SLC39A11: variants seen among roughly 807,000 people sequenced by gnomAD.
SLC39A11 encodes solute carrier family 39 member 11.
A neutral mutation model predicts 36.1 loss-of-function variants in SLC39A11; 33 were observed. That is an observed-to-expected ratio of 0.91 (90% CI 0.69 to 1.22). The LOEUF (loss-of-function observed/expected upper bound fraction) is 1.22. SLC39A11 is among the 50% of genes most tolerant of loss of function. The pLI, the probability that SLC39A11 is intolerant of heterozygous loss-of-function variation, is 0.00. For missense variants in SLC39A11, 432 were observed against 430.3 expected (o/e 1.00, Z -0.03); for synonymous variants, 166 against 170.3 (o/e 0.97, Z 0.20).
At chr17:72,781,940 T>C (rs1377427836) in intron 6 of SLC39A11, among the ~76,000 whole-genome samples, 1 of 151,660 alleles carries the variant, frequency 6.6e-6, no homozygotes, top group Non-Finnish European at 1.5e-5. Context: ...CTGTAGTGGG[T>C]TGAACTGTAC....
At position 72,920,660 on chromosome 17, in the gene SLC39A11, CCT is replaced by C. The variant is rs1232118481; in HGVS notation, c.430+27090_430+27091del. Among the ~76,000 whole-genome samples, 87 of 138,920 alleles carry C rather than the reference CCT, an allele frequency of 6.3e-4. 3 individuals carry two copies. Among genetic ancestry groups the C allele is most frequent in the African/African-American group, 2.4e-3 (86 of 36,360 alleles). 91.1% of individuals were successfully genotyped at this position (138,920 alleles called of 152,430 possible). On this transcript the variant is annotated intron_variant, in intron 5 of 9. Transcript: ENST00000255559. ...TCCTACCCCCTTACACCATGTACAC[CCT>C]ATACACAAACACACTTCTCACCCCC...
chr17:73,056,671 G>A (rs2059680285), intron 3 of SLC39A11, among the ~76,000 whole-genome samples: 1 of 152,122 alleles, frequency 6.6e-6, no homozygotes, highest in African/African-American at 2.4e-5. Context: ...AAGCTGGCTT[G>A]GATCTGGTAG....
chr17:72,893,022 C>G (rs1347295627), intron 5 of SLC39A11, among the ~76,000 whole-genome samples: 3 of 152,140 alleles, frequency 2.0e-5, no homozygotes, highest in Non-Finnish European at 2.9e-5. Context: ...ATTTCAAATA[C>G]TGTGCCAATC....
chr17:72,768,652 A>G (rs2075831169), intron 6 of SLC39A11, among the ~76,000 whole-genome samples: 1 of 152,218 alleles, frequency 6.6e-6, no homozygotes, highest in African/African-American at 2.4e-5. Context: ...TGTGACTGGC[A>G]TATGGCACAG....
intron 4 of SLC39A11, among the ~76,000 whole-genome samples, chr17:72,952,939 C>T (rs2085970137): frequency 6.6e-6 from 1 of 152,196 alleles, no homozygotes; most frequent in South Asian, 2.1e-4. Flanking sequence ...TTCAAGTGTG[C>T]TGTGTCACCT....
intron 5 of SLC39A11, among the ~76,000 whole-genome samples, chr17:72,850,046 C>G (rs2079233197): frequency 6.6e-6 from 1 of 152,132 alleles, no homozygotes; most frequent in African/African-American, 2.4e-5. Context: ...ATCTTCACTC[C>G]TCTCCAAAAA....
At chr17:72,662,729 A>C (rs2070523037) in intron 7 of SLC39A11, among the ~76,000 whole-genome samples, 1 of 150,634 alleles carries the variant, frequency 6.6e-6, no homozygotes, top group Admixed American at 6.6e-5. Context: ...AAAGAGAGAG[A>C]GAGAAAGAAA....
chr17:73,058,688 A>T (rs1455881186), intron 3 of SLC39A11, among the ~76,000 whole-genome samples: 1 of 152,114 alleles, frequency 6.6e-6, no homozygotes. Flanking sequence ...GCACCACTGC[A>T]CTCCAGCCTG....
At chr17:72,759,884 C>T (rs944096185) in intron 6 of SLC39A11, among the ~76,000 whole-genome samples, 7 of 152,088 alleles carry the variant, frequency 4.6e-5, no homozygotes, top group East Asian at 3.8e-4. Flanking sequence ...AACAAGGAAG[C>T]GCTGTCTTGT....
chr17:72,963,405 C>G (rs986862733), intron 4 of SLC39A11, among the ~76,000 whole-genome samples: 1 of 151,560 alleles, frequency 6.6e-6, no homozygotes, highest in African/African-American at 2.4e-5. Context: ...CTCCTGACCT[C>G]GTGATCCGCC....
In SLC39A11 at chr17:72,847,628, C is replaced by T. The variant is rs534757890; in HGVS notation, c.601+2006G>A. On this transcript the variant is annotated intron_variant, in intron 6 of 9. Transcript: ENST00000255559. ...TATCTGAGCTTAAAAAGTAATTAAA[C>T]ACATAGTGCTTTCGGCAGATTTAAT... Among the ~76,000 whole-genome samples the T allele has an allele frequency of 2.0e-5, 3 of 152,168 alleles. No individual in the cohort carries two copies. In the South Asian group the frequency reaches 6.2e-4, roughly 32 times the overall value.
At chr17:72,773,594 T>C (rs1344988066) in intron 6 of SLC39A11, among the ~76,000 whole-genome samples, 1 of 151,640 alleles carries the variant, frequency 6.6e-6, no homozygotes, top group East Asian at 1.9e-4. Flanking sequence ...CAGTCTCAGG[T>C]ATGTCTTTAT....
At chr17:73,018,416 C>A (rs1300651744) in intron 4 of SLC39A11, among the ~76,000 whole-genome samples, 1 of 152,042 alleles carries the variant, frequency 6.6e-6, no homozygotes, top group Admixed American at 6.6e-5. Context: ...CACGTGATGG[C>A]AGGCTCCTGT....
chr17:72,711,786 A>G (rs546858358), intron 7 of SLC39A11, among the ~76,000 whole-genome samples: 1 of 152,252 alleles, frequency 6.6e-6, no homozygotes, highest in East Asian at 1.9e-4. Flanking sequence ...TGATGGTCAT[A>G]GCTCTGGGGG....
At chr17:72,861,740 TTATATATATA>T (rs71945815) in intron 5 of SLC39A11, among the ~76,000 whole-genome samples, 3,502 of 67,094 alleles carry the variant, frequency 0.052, 110 homozygotes, top group African/African-American at 0.077. Flanking sequence ...ACATTGGAGA[TTATATATATA>T]TATATATATA....
intron 6 of SLC39A11, among the ~76,000 whole-genome samples, chr17:72,844,173 T>C (rs369988403): frequency 6.6e-6 from 1 of 152,174 alleles, no homozygotes; most frequent in East Asian, 1.9e-4. Flanking sequence ...CAAAGGTAAG[T>C]TGGCTCCAAA....
Position 72,717,037 on chromosome 17 carries a change from A to ATGT in SLC39A11, c.671+19612_671+19613insACA, listed in dbSNP as rs1437541863. Reference sequence around the variant, plus strand: ...CACACACACACACATATACACATATAAAATATATATACACATATATACATA... The same window carrying ATGT: ...CACACACACACACATATACACATATATGTAAATATATATACACATATATACATA... On this transcript the variant is annotated intron_variant, in intron 7 of 9. Coordinates refer to ENST00000255559, the MANE Select transcript of SLC39A11 (RefSeq NM_139177.4). Among the ~76,000 whole-genome samples the ATGT allele has an allele frequency of 6.6e-3, 965 of 146,782 alleles. 9 individuals carry two copies. Among genetic ancestry groups the ATGT allele is most frequent in the African/African-American group, 0.023 (898 of 39,088 alleles).
chr17:72,764,171 G>A (rs1018468948), intron 6 of SLC39A11, among the ~76,000 whole-genome samples: 5 of 152,018 alleles, frequency 3.3e-5, no homozygotes, highest in African/African-American at 9.7e-5. Flanking sequence ...GTCTCTTCCC[G>A]GGCCTCACTC....
rs2069605408 is a variant in SLC39A11 at position 72,647,432 on chromosome 17, T to C, written c.*152A>G. ...CTCCCTCAAAGCAAAGTAAAAATGG[T>C]TCTATTATAATCAGAGTCAATCAGG... On this transcript the variant is annotated 3_prime_UTR_variant, in exon 10 of 10. Transcript: ENST00000255559. The C allele has an allele frequency of 1.9e-6, 1 of 526,110 alleles. No individual in the cohort carries two copies. Among genetic ancestry groups the C allele is most frequent in the South Asian group, 3.4e-5 (1 of 29,312 alleles). The allele number at this position is 526,110 out of a possible 1,614,324, so 32.6% of individuals were successfully genotyped here.
Sources: gnomAD v4.1 joint callset for allele counts (sites outside exome capture counted in the v4.1 genomes callset) on GRCh38, gnomAD v4.1.1 for gene constraint, MANE v1.5 for transcripts, NCBI Gene and HGNC (gene_info 2026-07-23, HGNC 2026-07-21) for gene names.